UNC13A: variants seen among roughly 807,000 people sequenced by gnomAD.
UNC13A encodes unc-13 homolog A.
In UNC13A, 61 loss-of-function variants were observed where a neutral mutation model predicts 219.7. The observed-to-expected ratio is 0.28, with a 90% CI of 0.23 to 0.34. The LOEUF (loss-of-function observed/expected upper bound fraction) is 0.34. UNC13A is among the 10% of genes least tolerant of loss of function. The pLI is 1.00. For missense variants in UNC13A, 1,476 were observed against 2,270.3 expected (o/e 0.65, Z 7.11); for synonymous variants, 920 against 884.6 (o/e 1.04, Z -0.71).
intron 1 of UNC13A, among the ~76,000 whole-genome samples, chr19:17,686,294 C>A (rs1176763848): frequency 3.4e-5 from 1 of 29,112 alleles, no homozygotes; most frequent in Non-Finnish European, 6.9e-5. Context: ...AGGGTGAGAT[C>A]CCCGCCCCCC....
At chr19:17,682,713 T>C (rs1179619222) in intron 1 of UNC13A, among the ~76,000 whole-genome samples, 4 of 152,056 alleles carry the variant, frequency 2.6e-5, no homozygotes, top group Non-Finnish European at 5.9e-5. Context: ...AGCAGGGGAA[T>C]AGCCCCGATG....
Position 17,618,899 on chromosome 19 carries a change from T to G in UNC13A, c.4329+7A>C, listed in dbSNP as rs777205239. On this transcript the variant is annotated splice_region_variant and intron_variant, in intron 39 of 43. Coordinates refer to ENST00000519716, the MANE Select transcript of UNC13A (RefSeq NM_001080421.3). ...CCCTCACGCCATAATCTATCCCCAC[T>G]CCTCACCTTGAGTTTGGACAGCTGA... 6.2e-7 allele frequency: 1 copy of G among 1,613,860 alleles called. No individual in the cohort carries two copies.
intron 40 of UNC13A, 69 bp from the exon 41 acceptor site, chr19:17,617,918 C>T (rs971610997): frequency 2.5e-6 from 4 of 1,572,470 alleles, no homozygotes; most frequent in African/African-American, 2.7e-5. Context: ...GCTGGGTAGC[C>T]CTGCTGTCCC....
chr19:17,629,167 T>C (rs11667290), intron 31 of UNC13A, 73 bp downstream of exon 31: 249,992 of 1,360,138 alleles, frequency 0.18, 26,838 homozygotes, highest in African/African-American at 0.47. Context: ...GTCAGGGCCC[T>C]GGGGAGAAGG....
chr19:17,671,075 G>A (rs377445168), intron 4 of UNC13A, among the ~76,000 whole-genome samples: 11 of 152,202 alleles, frequency 7.2e-5, no homozygotes, highest in South Asian at 2.1e-4. Context: ...TGGCTCCTGA[G>A]AGCCCATAGC....
chr19:17,610,966 G>C (rs1190221054), intron 42 of UNC13A, among the ~76,000 whole-genome samples: 2 of 152,108 alleles, frequency 1.3e-5, no homozygotes, highest in African/African-American at 4.8e-5. Context: ...CCAGGAGTTT[G>C]AGGCTGCAGT....
chr19:17,628,245 C>A, intron 31 of UNC13A: 1 of 432,150 alleles, frequency 2.3e-6, no homozygotes. Flanking sequence ...CTGCAAGAGC[C>A]CAAAGCTTTG....
intron 3 of UNC13A, among the ~76,000 whole-genome samples, chr19:17,673,096 G>A (rs898622182): frequency 1.3e-5 from 2 of 152,130 alleles, no homozygotes; most frequent in African/African-American, 2.4e-5. Flanking sequence ...GGTGGCTCAC[G>A]CCTGTAATCC....
chr19:17,634,629 C>T (rs1215403640), intron 26 of UNC13A, among the ~76,000 whole-genome samples: 1 of 151,994 alleles, frequency 6.6e-6, no homozygotes, highest in Non-Finnish European at 1.5e-5. Context: ...CGTGAGCTGC[C>T]ACACCTGGCC....
chr19:17,650,170 C>T (rs748934206), intron 12 of UNC13A, among the ~76,000 whole-genome samples: 9 of 152,090 alleles, frequency 5.9e-5, no homozygotes, highest in Non-Finnish European at 1.3e-4. Flanking sequence ...TGTAATTGCC[C>T]ACCTTGAATG....
In UNC13A at chr19:17,624,839, G is replaced by C; in HGVS notation, c.4187C>G (p.Thr1396Ser). 6.2e-7 allele frequency: 1 copy of C among 1,613,620 alleles called. No homozygotes were observed. Among genetic ancestry groups the C allele is most frequent in the Non-Finnish European group, 8.5e-7 (1 of 1,179,644 alleles). ...MEKTIVLPPL[T>S]DQTMIGNLLR... ...CCCTGCAGGTCTCACCGTCTGGTCAGTGAGGGGCGGCAGGACGATGGTTTT... is the reference window on the plus strand; with the variant it reads ...CCCTGCAGGTCTCACCGTCTGGTCACTGAGGGGCGGCAGGACGATGGTTTT... The change falls in exon 35 of 44, where the codon ACT (threonine) becomes AGT (serine). Residue 1396 changes from threonine (T) to serine (S), a missense_variant. By Grantham distance (58) the Thr-to-Ser change is moderately conservative. Transcript: ENST00000519716.
chr19:17,606,097 T>A lies in UNC13A; in HGVS notation c.5069A>T (p.Asp1690Val), dbSNP rs1306708055. ...VAKEFVKLKS[D>V]TRSAEEGGAA... ...ACCGCCCTCCTCGGCGGAGCGCGTG[T>A]CCGACTTGAGCTTCACGAACTCCTT... The change falls in exon 44 of 44, where the codon GAC becomes GTC. Residue 1690 changes from aspartate to valine, a missense_variant. Physicochemically the swap from Asp to Val is radical, Grantham distance 152. This residue lies in a region of UNC13A where 187 missense variants were observed against 172.3 expected (regional missense o/e 1.09). Transcript: ENST00000519716. 1 of 1,592,682 alleles carries A rather than the reference T, an allele frequency of 6.3e-7. No homozygotes were observed. The highest frequency in any genetic ancestry group is 8.5e-7 in the Non-Finnish European group (1 of 1,172,310).
intron 41 of UNC13A, among the ~76,000 whole-genome samples, chr19:17,615,624 A>C (rs890675840): frequency 6.6e-6 from 1 of 152,138 alleles, no homozygotes; most frequent in African/African-American, 2.4e-5. Context: ...CGGAGGTTGC[A>C]GTGAGCTGAG....
chr19:17,682,688 G>T (rs886653583), intron 1 of UNC13A, among the ~76,000 whole-genome samples: 1 of 152,198 alleles, frequency 6.6e-6, no homozygotes. Context: ...ATGTGTGAAG[G>T]CTTCTTAGGC....
At position 17,645,260 on chromosome 19, in the gene UNC13A, C is replaced by G. The variant is rs1292655114; in HGVS notation, c.2356+414G>C. ...CTGACCTCATGTGATCTGCCTGCCTCAGCTTCCCAAAGTGCTGGGATTACA... is the reference window on the plus strand; with the variant it reads ...CTGACCTCATGTGATCTGCCTGCCTGAGCTTCCCAAAGTGCTGGGATTACA... On this transcript the variant is annotated intron_variant, in intron 19 of 43. Transcript: ENST00000519716. Among the ~76,000 whole-genome samples the G allele has an allele frequency of 2.6e-5, 4 of 152,122 alleles. No homozygotes were observed. In the East Asian group the frequency reaches 7.7e-4, roughly 29 times the overall value.
chr19:17,648,707 C>T, intron 15 of UNC13A, 57 bp from the exon 16 acceptor site: 2 of 1,572,640 alleles, frequency 1.3e-6, no homozygotes, highest in Non-Finnish European at 1.7e-6. Flanking sequence ...TGTCCCTGTC[C>T]TGCCCCATTC....
intron 43 of UNC13A, among the ~76,000 whole-genome samples, chr19:17,608,484 TATATA>T (rs370436398): frequency 5.7e-5 from 8 of 140,748 alleles, no homozygotes; most frequent in Non-Finnish European, 1.2e-4. Flanking sequence ...TATATATAAT[TATATA>T]ATATAAATAC....
intron 19 of UNC13A, 87 bp downstream of exon 19, chr19:17,645,585 AAC>A: frequency 6.4e-7 from 1 of 1,560,204 alleles, no homozygotes. Context: ...TCCTCCTGAG[AAC>A]ACATCTCTCT....
intron 10 of UNC13A, 24 bp from the exon 11 acceptor site, chr19:17,655,406 C>T (rs1351756382): frequency 1.3e-6 from 2 of 1,541,936 alleles, no homozygotes; most frequent in Admixed American, 3.9e-5. Context: ...CGCTATGAGG[C>T]TCTGGGCTGG....
Sources: gnomAD v4.1 joint callset for allele counts (sites outside exome capture counted in the v4.1 genomes callset) on GRCh38, gnomAD v4.1.1 for gene constraint, gnomAD v4.1.1 regional missense constraint, MANE v1.5 for transcripts, NCBI Gene and HGNC (gene_info 2026-07-23, HGNC 2026-07-21) for gene names.